ALCAM: variants seen among roughly 807,000 people sequenced by gnomAD.
ALCAM encodes the protein activated leukocyte cell adhesion molecule.
Under a neutral mutation model 70.9 loss-of-function variants are expected in ALCAM, and 30 were observed. The observed-to-expected ratio is 0.42, with a 90% CI of 0.32 to 0.57. The LOEUF (loss-of-function observed/expected upper bound fraction) is 0.57, where lower values mean the gene tolerates loss of function less well. ALCAM is among the 20% of genes least tolerant of loss of function. The pLI, the probability that ALCAM is intolerant of heterozygous loss-of-function variation, is 0.11. For synonymous variants in ALCAM, 249 were observed against 242.5 expected, an observed-to-expected ratio of 1.03 and a Z score of -0.25; for missense variants, 591 against 695.1, an observed-to-expected ratio of 0.85 and a Z score of 1.68.
At chr3:105,541,490 C>T (rs1309651311) in intron 7 of ALCAM, 143 bp from the exon 8 acceptor site, 1 of 841,198 alleles carries the variant, frequency 1.2e-6, no homozygotes, top group Non-Finnish European at 1.7e-6. Context: ...ATTGGTAACA[C>T]AAACTGTACT....
At chr3:105,517,731 C>G (rs1326583784) in intron 1 of ALCAM, among the ~76,000 whole-genome samples, 1 of 152,114 alleles carries the variant, frequency 6.6e-6, no homozygotes, top group Non-Finnish European at 1.5e-5. Context: ...TCCAAGTTCT[C>G]TACACATCCA....
At chr3:105,371,733 A>G (rs1184884035) in intron 1 of ALCAM, among the ~76,000 whole-genome samples, 1 of 152,124 alleles carries the variant, frequency 6.6e-6, no homozygotes, top group African/African-American at 2.4e-5. Context: ...ATAAAACACC[A>G]TCAAAGAGTT....
At chr3:105,546,014 G>C (rs1334723598) in intron 9 of ALCAM, among the ~76,000 whole-genome samples, 1 of 151,422 alleles carries the variant, frequency 6.6e-6, no homozygotes, top group Non-Finnish European at 1.5e-5. Flanking sequence ...TCTTGTAATT[G>C]TCTGAAATGT....
At chr3:105,373,148 G>A (rs1408702696) in intron 1 of ALCAM, among the ~76,000 whole-genome samples, 1 of 152,010 alleles carries the variant, frequency 6.6e-6, no homozygotes, top group Non-Finnish European at 1.5e-5. Context: ...TGGGTTAGCA[G>A]CCAGGTAGGT....
At chr3:105,514,010 C>T (rs1939313430) in intron 1 of ALCAM, among the ~76,000 whole-genome samples, 1 of 151,866 alleles carries the variant, frequency 6.6e-6, no homozygotes, top group African/African-American at 2.4e-5. Flanking sequence ...TCCTATCTTC[C>T]CATCTATAGA....
At chr3:105,389,283 A>G (rs1325770304) in intron 1 of ALCAM, among the ~76,000 whole-genome samples, 1 of 151,212 alleles carries the variant, frequency 6.6e-6, no homozygotes. Flanking sequence ...AAAGATACGC[A>G]AAACAGTGTG....
intron 14 of ALCAM, among the ~76,000 whole-genome samples, chr3:105,555,255 C>T (rs180984633): frequency 7.0e-4 from 106 of 152,010 alleles, no homozygotes; most frequent in African/African-American, 2.4e-3. Context: ...GTTACCTAAT[C>T]GAAAAGTTCA....
rs144390561 is a variant in ALCAM, at chr3:105,514,088, C to T, written c.74-5979C>T. Among the ~76,000 whole-genome samples, 8 of 152,032 alleles carry T rather than the reference C, an allele frequency of 5.3e-5. No homozygotes were observed. In the East Asian group the frequency reaches 1.5e-3, roughly 29 times the overall value. On this transcript the variant is annotated intron_variant, in intron 1 of 15. Coordinates refer to ENST00000306107, the MANE Select transcript of ALCAM (RefSeq NM_001627.4). The stretch of plus-strand genomic sequence containing the variant: ...AAGCTTTTACCAATATCCTCAATCT[C>T]ATTGCTGGGATTCCTTTCTATACAG...
chr3:105,458,167 T>C (rs1356330878), intron 1 of ALCAM, among the ~76,000 whole-genome samples: 1 of 152,044 alleles, frequency 6.6e-6, no homozygotes, highest in Non-Finnish European at 1.5e-5. Flanking sequence ...TTCAGAGATA[T>C]ATTTTAGCAG....
intron 1 of ALCAM, among the ~76,000 whole-genome samples, chr3:105,374,030 A>G (rs1935311543): frequency 6.6e-6 from 1 of 152,224 alleles, no homozygotes; most frequent in South Asian, 2.1e-4. Flanking sequence ...AAGAACATGT[A>G]TATTCGTAAA....
At chr3:105,497,317 T>C (rs1485991578) in intron 1 of ALCAM, among the ~76,000 whole-genome samples, 1 of 152,196 alleles carries the variant, frequency 6.6e-6, no homozygotes, top group African/African-American at 2.4e-5. Context: ...TAAGGAACTT[T>C]AAGTTCTTTT....
chr3:105,426,011 G>A lies in ALCAM; in HGVS notation c.73+58530G>A, dbSNP rs528692277. ...ATCCCTTCAGTAGAAGGAAATGCTA[G>A]CTTTAGGTCACAGCAAAACTAAGCT... is the stretch of plus-strand genomic sequence containing the variant. On this transcript the variant is annotated intron_variant, in intron 1 of 15. Coordinates refer to ENST00000306107, the MANE Select transcript of ALCAM (RefSeq NM_001627.4). Among the ~76,000 whole-genome samples, 10 of 151,922 alleles carry A rather than the reference G, an allele frequency of 6.6e-5. No individual in the cohort carries two copies. In the South Asian group the frequency reaches 2.1e-3, roughly 31 times the overall value.
At chr3:105,563,930 A>G (rs1046600549) in intron 14 of ALCAM, among the ~76,000 whole-genome samples, 1,469 of 138,458 alleles carry the variant, frequency 0.011, 18 homozygotes, top group African/African-American at 0.037. Flanking sequence ...CTCATGATCC[A>G]CCCGCCTCGG....
chr3:105,452,172 A>G (rs1453709830), intron 1 of ALCAM, among the ~76,000 whole-genome samples: 2 of 151,612 alleles, frequency 1.3e-5, no homozygotes, highest in African/African-American at 2.4e-5. Context: ...TACATGTGCC[A>G]TGGTGGTTTG....
chr3:105,524,002 CAT>C (rs1939622860), intron 2 of ALCAM, among the ~76,000 whole-genome samples: 1 of 152,042 alleles, frequency 6.6e-6, no homozygotes, highest in African/African-American at 2.4e-5. Flanking sequence ...TTATATTAAA[CAT>C]ATGCAGCCCA....
rs558326052 is a variant in ALCAM, at chr3:105,557,168, AGGCT to A, written c.1664+4585_1664+4588del. 4.4e-3 allele frequency among the ~76,000 whole-genome samples: 666 copies of A among 152,270 alleles called. 9 individuals are homozygous for A. The highest frequency in any genetic ancestry group is 0.024 in the Middle Eastern group (7 of 294). ...GAGGAAAGGGTATGATCTTAAGGGCAGGCTGACACAGCCTCTCTCTCCACTTGTA... is the reference window on the plus strand; with the variant it reads ...GAGGAAAGGGTATGATCTTAAGGGCAGACACAGCCTCTCTCTCCACTTGTA... On this transcript the variant is annotated intron_variant, in intron 14 of 15. Transcript: ENST00000306107.
chr3:105,400,022 T>C (rs1017536580), intron 1 of ALCAM, among the ~76,000 whole-genome samples: 1 of 152,210 alleles, frequency 6.6e-6, no homozygotes, highest in African/African-American at 2.4e-5. Flanking sequence ...AATACCTTTA[T>C]TGTTATATAC....
At chr3:105,510,407 T>A (rs1939206935) in intron 1 of ALCAM, among the ~76,000 whole-genome samples, 2 of 152,076 alleles carry the variant, frequency 1.3e-5, no homozygotes, top group Admixed American at 1.3e-4. Context: ...TTAGCACAAA[T>A]CTGGTAATAG....
chr3:105,573,377 A>T (rs1940896792), intron 15 of ALCAM, among the ~76,000 whole-genome samples: 1 of 150,448 alleles, frequency 6.6e-6, no homozygotes, highest in African/African-American at 2.4e-5. Flanking sequence ...ATTTAATAAA[A>T]GCGTGAGTGT....
Sources: gnomAD v4.1 joint callset for allele counts (sites outside exome capture counted in the v4.1 genomes callset) on GRCh38, gnomAD v4.1.1 for gene constraint, MANE v1.5 for transcripts, NCBI Gene and HGNC (gene_info 2026-07-23, HGNC 2026-07-21) for gene names.